The following DENND4A variants were observed in gnomAD, a reference collection of about 807,000 sequenced individuals.
DENND4A encodes the protein C-myc promoter-binding protein.
Under a neutral mutation model 199.3 loss-of-function variants are expected in DENND4A, and 70 were observed. That is an observed-to-expected ratio of 0.35 (90% CI 0.29 to 0.43). The LOEUF is 0.43. DENND4A is among the 20% of genes least tolerant of loss of function. The probability of loss-of-function intolerance (pLI) is 1.00; values close to 1 mark genes in which losing one functional copy is unlikely to be tolerated. For missense variants in DENND4A, 1,723 were observed against 2,255.8 expected (o/e 0.76, Z 4.78); for synonymous variants, 686 against 766.9 (o/e 0.89, Z 1.74).
intron 20 of DENND4A, among the ~76,000 whole-genome samples, chr15:65,698,783 G>A (rs1233314680): frequency 7.7e-6 from 1 of 129,294 alleles, no homozygotes; most frequent in Non-Finnish European, 1.5e-5. Context: ...TGTTGCCCAG[G>A]CTGGAGTGCA....
intron 1 of DENND4A, among the ~76,000 whole-genome samples, chr15:65,764,908 G>C (rs1313046840): frequency 6.7e-6 from 1 of 149,346 alleles, no homozygotes; most frequent in African/African-American, 2.5e-5. Context: ...GGAGGTTGAG[G>C]CTGCAGTGAG....
chr15:65,712,382 T>C (rs962849161), intron 14 of DENND4A, among the ~76,000 whole-genome samples: 3 of 152,224 alleles, frequency 2.0e-5, no homozygotes, highest in East Asian at 1.9e-4. Flanking sequence ...AAAACAGTCA[T>C]AATATTTTCT....
chr15:65,733,895 T>G (rs1345513874), intron 7 of DENND4A, among the ~76,000 whole-genome samples: 1 of 152,234 alleles, frequency 6.6e-6, no homozygotes, highest in African/African-American at 2.4e-5. Context: ...AGCATGCTCC[T>G]TAACAGTCAT....
intron 4 of DENND4A, among the ~76,000 whole-genome samples, chr15:65,749,837 T>G (rs1236132757): frequency 3.3e-5 from 5 of 152,080 alleles, no homozygotes; most frequent in African/African-American, 1.2e-4. Flanking sequence ...TGCCACAGCG[T>G]TTTCAGAACA....
At chr15:65,773,002 C>CAAAAAAA (rs61241995) in intron 1 of DENND4A, among the ~76,000 whole-genome samples, 4 of 102,146 alleles carry the variant, frequency 3.9e-5, no homozygotes, top group Non-Finnish European at 6.0e-5. Context: ...TGTTTCTAAG[C>CAAAAAAA]AAAAAAAAAA....
At chr15:65,662,552 G>T (rs1273812848) in intron 32 of DENND4A, among the ~76,000 whole-genome samples, 4 of 152,052 alleles carry the variant, frequency 2.6e-5, no homozygotes, top group Non-Finnish European at 4.4e-5. Flanking sequence ...TTATACCAAG[G>T]TCTGTGTGCC....
intron 11 of DENND4A, among the ~76,000 whole-genome samples, chr15:65,728,780 C>T (rs1402595247): frequency 2.0e-5 from 3 of 152,110 alleles, no homozygotes; most frequent in Non-Finnish European, 4.4e-5. Context: ...TGAGCCACCG[C>T]GCCCGGCCCC....
intron 22 of DENND4A, among the ~76,000 whole-genome samples, chr15:65,693,599 G>A (rs1194335737): frequency 6.6e-6 from 1 of 151,152 alleles, no homozygotes; most frequent in East Asian, 1.9e-4. Flanking sequence ...CCTTCTGCTT[G>A]GAATGCACCC....
chr15:65,719,038 C>T (rs1305160299), intron 12 of DENND4A, among the ~76,000 whole-genome samples: 1 of 151,602 alleles, frequency 6.6e-6, no homozygotes, highest in Non-Finnish European at 1.5e-5. Flanking sequence ...CCTTGGCCTC[C>T]CAAAGTGCTG....
chr15:65,695,911 T>C (rs1216710885), intron 22 of DENND4A, among the ~76,000 whole-genome samples: 1 of 152,040 alleles, frequency 6.6e-6, no homozygotes, highest in Non-Finnish European at 1.5e-5. Context: ...GTTAATATTA[T>C]ATAAAATAAT....
chr15:65,713,064 A>G (rs2075294595), intron 14 of DENND4A, among the ~76,000 whole-genome samples: 1 of 152,166 alleles, frequency 6.6e-6, no homozygotes, highest in South Asian at 2.1e-4. Flanking sequence ...TAACATTGAT[A>G]CATTATTACT....
chr15:65,771,499 A>G lies in DENND4A; in HGVS notation c.-101-10061T>C, dbSNP rs2077123837. On this transcript the variant is annotated intron_variant, in intron 1 of 32. Transcript: ENST00000443035. ...TGGGATAGAAGGAATAAGGAGGATT[A>G]CAGACCATCAACTGGCTTAATAATG... 3 of 1,611,114 alleles carry G rather than the reference A, an allele frequency of 1.9e-6. No homozygotes were observed. The Admixed American group carries it at 5.0e-5, about 27-fold the overall frequency.
At chr15:65,734,824 G>A (rs1464369531) in intron 7 of DENND4A, among the ~76,000 whole-genome samples, 2 of 152,216 alleles carry the variant, frequency 1.3e-5, no homozygotes, top group Non-Finnish European at 2.9e-5. Flanking sequence ...GCCAGGCGCG[G>A]TAATCCCAGC....
intron 32 of DENND4A, among the ~76,000 whole-genome samples, chr15:65,662,866 T>G (rs1284254833): frequency 6.6e-6 from 1 of 152,152 alleles, no homozygotes; most frequent in Non-Finnish European, 1.5e-5. Flanking sequence ...CAAGTGAGCT[T>G]CTCTAGCTTG....
At chr15:65,727,051 T>C (rs1241574663) in intron 11 of DENND4A, among the ~76,000 whole-genome samples, 3 of 152,134 alleles carry the variant, frequency 2.0e-5, no homozygotes, top group African/African-American at 7.2e-5. Flanking sequence ...TGGTGGCTCA[T>C]GCCTGTAATC....
At chr15:65,687,791 AT>A (rs36124479) in intron 23 of DENND4A, among the ~76,000 whole-genome samples, 30,034 of 151,176 alleles carry the variant, frequency 0.2, 3,994 homozygotes, top group East Asian at 0.73. Flanking sequence ...GTGTATTTTA[AT>A]TTTTTTTTAG....
chr15:65,729,267 G>A lies in DENND4A; in HGVS notation c.1312-20C>T, dbSNP rs763038650. ...AATCATCTTGGATAAACAAAAGATA[G>A]GAGAGAATTTAGCTTTTTAACACTG... On this transcript the variant is annotated intron_variant, in intron 10 of 32. Transcript: ENST00000443035. 5.6e-5 allele frequency: 88 copies of A among 1,558,128 alleles called. No individual in the cohort carries two copies. Among genetic ancestry groups the A allele is most frequent in the Non-Finnish European group, 7.5e-5 (86 of 1,150,516 alleles).
At chr15:65,671,391 A>G (rs2076212137) in intron 25 of DENND4A, among the ~76,000 whole-genome samples, 1 of 152,028 alleles carries the variant, frequency 6.6e-6, no homozygotes, top group Non-Finnish European at 1.5e-5. Context: ...TTAACTTATT[A>G]TTTTTTCTCT....
intron 29 of DENND4A, 51 bp from the exon 30 acceptor site, chr15:65,665,513 A>G (rs192164013): frequency 1.1e-3 from 1,571 of 1,371,528 alleles, no homozygotes; most frequent in Non-Finnish European, 1.4e-3. Context: ...ATAATTTTTC[A>G]TAAGTATTTT....
Sources: allele counts gnomAD v4.1 joint callset (sites outside exome capture counted in the v4.1 genomes callset), GRCh38; gene constraint gnomAD v4.1.1; transcripts MANE v1.5; gene names NCBI Gene and HGNC (gene_info 2026-07-23, HGNC 2026-07-21).